VPS13B: variants seen among roughly 807,000 people sequenced by gnomAD.
VPS13B encodes vacuolar protein sorting 13 homolog B, also known as intermembrane lipid transfer protein VPS13B.
VPS13B carries 285 observed loss-of-function variants against 426.4 expected under a neutral mutation model. The observed-to-expected ratio is 0.67, with a 90% CI of 0.61 to 0.74. VPS13B has a LOEUF of 0.74. Ranked by LOEUF, VPS13B falls within the 30% of genes least tolerant of loss-of-function variation. The probability of loss-of-function intolerance (pLI) is 0.00; values close to 1 mark genes in which losing one functional copy is unlikely to be tolerated. For missense variants in VPS13B, 4,537 were observed against 4,782.6 expected, an observed-to-expected ratio of 0.95 and a Z score of 1.51; for synonymous variants, 1,676 against 1,676.4, an observed-to-expected ratio of 1.00 and a Z score of 0.01.
chr8:99,445,643 C>G (rs1332383081), intron 23 of VPS13B, among the ~76,000 whole-genome samples: 1 of 151,250 alleles, frequency 6.6e-6, no homozygotes, highest in Non-Finnish European at 1.5e-5. Flanking sequence ...GAAATTAACA[C>G]CATTTCCACA....
intron 3 of VPS13B, among the ~76,000 whole-genome samples, chr8:99,062,668 A>G (rs1463929018): frequency 6.6e-6 from 1 of 152,080 alleles, no homozygotes; most frequent in Non-Finnish European, 1.5e-5. Flanking sequence ...GGGTGTCTCC[A>G]TGTTGGTCAG....
chr8:99,687,832 T>C (rs571363449), intron 35 of VPS13B, among the ~76,000 whole-genome samples: 1 of 151,958 alleles, frequency 6.6e-6, no homozygotes, highest in Admixed American at 6.5e-5. Flanking sequence ...TCTTGTTAAG[T>C]TCCTTTTTTT....
intron 19 of VPS13B, among the ~76,000 whole-genome samples, chr8:99,353,851 A>G (rs1004641115): frequency 1.3e-5 from 2 of 152,156 alleles, no homozygotes; most frequent in African/African-American, 4.8e-5. Flanking sequence ...ATGAAAAATA[A>G]AAACTTCGAA....
At chr8:99,790,132 T>A (rs1161756716) in intron 43 of VPS13B, among the ~76,000 whole-genome samples, 1 of 152,140 alleles carries the variant, frequency 6.6e-6, no homozygotes, top group Non-Finnish European at 1.5e-5. Context: ...ACTATTGCAA[T>A]AGTTTTTCTC....
chr8:99,763,690 C>T (rs1173168494), intron 39 of VPS13B, among the ~76,000 whole-genome samples: 1 of 152,024 alleles, frequency 6.6e-6, no homozygotes, highest in Non-Finnish European at 1.5e-5. Flanking sequence ...GTATTTCAGG[C>T]TGAGAGAGAA....
At chr8:99,076,645 G>A (rs1845140814) in intron 3 of VPS13B, among the ~76,000 whole-genome samples, 1 of 140,144 alleles carries the variant, frequency 7.1e-6, no homozygotes, top group Admixed American at 7.2e-5. Context: ...TTCATTTAAA[G>A]TCTGTTTTAT....
intron 2 of VPS13B, among the ~76,000 whole-genome samples, chr8:99,016,577 A>T (rs1587917026): frequency 7.0e-5 from 8 of 114,736 alleles, no homozygotes; most frequent in Admixed American, 1.7e-4. Context: ...TTATTGATAT[A>T]TAGGAATTCT....
At chr8:99,351,926 T>C (rs1811916650) in intron 19 of VPS13B, among the ~76,000 whole-genome samples, 2 of 152,128 alleles carry the variant, frequency 1.3e-5, no homozygotes, top group Non-Finnish European at 1.5e-5. Context: ...AAAAGAGACA[T>C]ATATATTATT....
chr8:99,871,241 G>A, intron 60 of VPS13B: 4 of 771,060 alleles, frequency 5.2e-6, no homozygotes, highest in Middle Eastern at 3.9e-4. Flanking sequence ...CAAAACCAAG[G>A]GAAATCTTTG....
rs561840706 is a variant in VPS13B at position 99,210,428 on chromosome 8, C to T, written c.2515+17371C>T. On this transcript the variant is annotated intron_variant, in intron 17 of 61. Coordinates refer to ENST00000357162, the MANE Select transcript of VPS13B (RefSeq NM_152564.5). ...TATCCTCAGTATCTTTCTATTATGG[C>T]CATTGGATTCCACTGGATCGGATAT... Among the ~76,000 whole-genome samples, 10 of 152,136 alleles carry T rather than the reference C, an allele frequency of 6.6e-5. No homozygotes were observed. The East Asian group carries it at 1.5e-3, about 24-fold the overall frequency.
At chr8:99,219,767 T>G (rs1435012069) in intron 17 of VPS13B, among the ~76,000 whole-genome samples, 1 of 152,202 alleles carries the variant, frequency 6.6e-6, no homozygotes, top group East Asian at 1.9e-4. Flanking sequence ...AAATCCCACC[T>G]TCCAATACTG....
chr8:99,411,021 C>T (rs1251532233), intron 21 of VPS13B, among the ~76,000 whole-genome samples: 2 of 152,162 alleles, frequency 1.3e-5, no homozygotes, highest in Non-Finnish European at 2.9e-5. Context: ...TTGCAATAAA[C>T]ATACGTGTGC....
At chr8:99,859,615 T>C in intron 57 of VPS13B, 135 bp downstream of exon 57, 2 of 1,193,918 alleles carry the variant, frequency 1.7e-6, no homozygotes, top group Non-Finnish European at 2.4e-6. Context: ...AGTGAGAGTT[T>C]GGGTTTGTAA....
chr8:99,511,140 C>T lies in VPS13B; in HGVS notation c.4261C>T (p.His1421Tyr), dbSNP rs748897329. ...ACTTCTAGATGGCACTCATCAGCAG[C>T]ATGGATTCCTCTCTCTGACATACAC... ...TKLLDGTHQQHGFLSLTYTKA... is the reference protein window; with the variant it reads ...TKLLDGTHQQYGFLSLTYTKA... Residue 1421 changes from histidine (H) to tyrosine (Y), a missense_variant, in exon 29 of 62, where the codon CAT becomes TAT. Around this residue, in one of 2 missense-constraint regions of VPS13B, gnomAD observed 4,311 missense variants for 4,474.3 expected, o/e 0.96. Transcript: ENST00000357162. 8.7e-6 allele frequency: 14 copies of T among 1,613,562 alleles called. No homozygotes were observed. The highest frequency in any genetic ancestry group is 1.1e-5 in the Non-Finnish European group (13 of 1,179,992).
At chr8:99,137,162 T>G (rs1810113081) in intron 12 of VPS13B, among the ~76,000 whole-genome samples, 1 of 152,104 alleles carries the variant, frequency 6.6e-6, no homozygotes, top group Non-Finnish European at 1.5e-5. Flanking sequence ...AGACTTTAGA[T>G]GTATATATTG....
intron 34 of VPS13B, among the ~76,000 whole-genome samples, chr8:99,643,929 A>G (rs192528713): frequency 6.1e-4 from 93 of 152,368 alleles, no homozygotes; most frequent in African/African-American, 2.1e-3. Flanking sequence ...TCATGCCTAT[A>G]TACCTGATAC....
chr8:99,797,891 T>C (rs1443268665), intron 43 of VPS13B, among the ~76,000 whole-genome samples: 2 of 152,178 alleles, frequency 1.3e-5, no homozygotes, highest in African/African-American at 4.8e-5. Flanking sequence ...TTGCCACATA[T>C]TGTCTTTCTC....
intron 25 of VPS13B, among the ~76,000 whole-genome samples, chr8:99,494,017 A>T (rs895930906): frequency 2.0e-5 from 3 of 152,098 alleles, no homozygotes; most frequent in Non-Finnish European, 4.4e-5. Flanking sequence ...ATCCCACTCC[A>T]GTGGCCCAAT....
chr8:99,260,955 A>G (rs1202249879), intron 17 of VPS13B, among the ~76,000 whole-genome samples: 2 of 152,126 alleles, frequency 1.3e-5, no homozygotes, highest in Non-Finnish European at 2.9e-5. Flanking sequence ...TTAAAAAAAA[A>G]CTTAATTTTT....
Sources: allele counts gnomAD v4.1 joint callset (sites outside exome capture counted in the v4.1 genomes callset), GRCh38; gene constraint gnomAD v4.1.1; regional missense constraint gnomAD v4.1.1; transcripts MANE v1.5; gene names NCBI Gene and HGNC (gene_info 2026-07-23, HGNC 2026-07-21).